The following DAB1 variants were observed in gnomAD, a reference collection of about 807,000 sequenced individuals.
The protein encoded by DAB1 is DAB adaptor protein 1.
DAB1 carries 15 observed loss-of-function variants against 64.6 expected under a neutral mutation model. The observed-to-expected ratio is 0.23, with a 90% confidence interval of 0.16 to 0.36. The LOEUF (loss-of-function observed/expected upper bound fraction) is 0.36. Among genes scored for constraint, DAB1 ranks in the 10% least tolerant of loss-of-function variants. The pLI, the probability that DAB1 is intolerant of heterozygous loss-of-function variation, is 1.00. For missense variants in DAB1, 596 were observed against 706.7 expected (o/e 0.84, Z 1.78); for synonymous variants, 235 against 251.9 (o/e 0.93, Z 0.64).
chr1:57,642,354 C>T (rs1340352725), intron 7 of DAB1, among the ~76,000 whole-genome samples: 2 of 152,192 alleles, frequency 1.3e-5, no homozygotes, highest in Non-Finnish European at 2.9e-5. Context: ...CCCTTAGGTG[C>T]CTACTCTGAT....
At chr1:58,043,959 C>T (rs1034323092) in intron 5 of DAB1, among the ~76,000 whole-genome samples, 5 of 152,174 alleles carry the variant, frequency 3.3e-5, no homozygotes, top group African/African-American at 1.2e-4. Flanking sequence ...AACTCTTGAC[C>T]TCGTGATCCG....
chr1:58,509,403 T>A (rs1646037706), intron 2 of DAB1, among the ~76,000 whole-genome samples: 1 of 150,088 alleles, frequency 6.7e-6, no homozygotes, highest in African/African-American at 2.4e-5. Flanking sequence ...GAACAGCCTA[T>A]GGGTCAAGGA....
chr1:57,274,352 T>A (rs2100603337), intron 2 of DAB1, among the ~76,000 whole-genome samples: 1 of 152,324 alleles, frequency 6.6e-6, no homozygotes, highest in East Asian at 1.9e-4. Context: ...GCTTCACCAC[T>A]TGTTCAGCTG....
At chr1:57,877,416 G>C (rs925300082) in intron 1 of DAB1, among the ~76,000 whole-genome samples, 1 of 152,090 alleles carries the variant, frequency 6.6e-6, no homozygotes, top group African/African-American at 2.4e-5. Context: ...ACAATTCTAG[G>C]ACATTCCCAC....
At chr1:57,941,560 G>C (rs1272739250) in intron 5 of DAB1, among the ~76,000 whole-genome samples, 4 of 152,244 alleles carry the variant, frequency 2.6e-5, no homozygotes, top group Non-Finnish European at 5.9e-5. Flanking sequence ...GAATGGGCCG[G>C]GCATGGTGGC....
intron 6 of DAB1, among the ~76,000 whole-genome samples, chr1:57,722,163 C>T (rs866897851): frequency 3.3e-5 from 5 of 151,516 alleles, no homozygotes; most frequent in Admixed American, 2.0e-4. Flanking sequence ...GGGAGCAATT[C>T]ACACTTTATG....
At chr1:57,392,700 T>G (rs1352796126) in intron 1 of DAB1, among the ~76,000 whole-genome samples, 3 of 152,226 alleles carry the variant, frequency 2.0e-5, no homozygotes, top group Non-Finnish European at 4.4e-5. Context: ...AGAGAAAATG[T>G]AATTCCATTA....
At chr1:57,842,005 C>T (rs1033292066) in intron 1 of DAB1, among the ~76,000 whole-genome samples, 29 of 152,286 alleles carry the variant, frequency 1.9e-4, no homozygotes, top group South Asian at 2.1e-4. Context: ...CCTTTTTAAA[C>T]GTAAGTTCCA....
intron 4 of DAB1, among the ~76,000 whole-genome samples, chr1:57,102,792 T>C (rs749097980): frequency 2.8e-4 from 43 of 152,346 alleles, no homozygotes; most frequent in Non-Finnish European, 5.1e-4. Context: ...AGTTCATTTA[T>C]TCATGTAAAT....
intron 2 of DAB1, among the ~76,000 whole-genome samples, chr1:57,206,104 G>C (rs1665515597): frequency 2.0e-5 from 3 of 152,336 alleles, no homozygotes; most frequent in African/African-American, 4.8e-5. Flanking sequence ...CTGGAGCAGG[G>C]AACACATTTG....
intron 10 of DAB1, among the ~76,000 whole-genome samples, chr1:57,024,831 C>A (rs1280180211): frequency 6.6e-6 from 1 of 152,184 alleles, no homozygotes; most frequent in Non-Finnish European, 1.5e-5. Flanking sequence ...AAGCTTTTAG[C>A]CCAGGATAAA....
At chr1:57,037,823 G>A (rs1054189521) in intron 9 of DAB1, among the ~76,000 whole-genome samples, 2 of 152,192 alleles carry the variant, frequency 1.3e-5, no homozygotes, top group African/African-American at 4.8e-5. Flanking sequence ...AGTGGCTTGA[G>A]GTGGGGAATA....
At chr1:58,534,407 G>A (rs913978694) in intron 1 of DAB1, 8 of 662,290 alleles carry the variant, frequency 1.2e-5, no homozygotes, top group African/African-American at 3.7e-5. Flanking sequence ...AAAGTTATAT[G>A]GCTACTTATT....
At chr1:57,084,300 A>G (rs1357962726) in intron 4 of DAB1, among the ~76,000 whole-genome samples, 1 of 152,204 alleles carries the variant, frequency 6.6e-6, no homozygotes. Context: ...TATGCCCAGA[A>G]GAAATGCCAA....
At chr1:57,758,960 A>C (rs1007870444) in intron 6 of DAB1, among the ~76,000 whole-genome samples, 24 of 152,142 alleles carry the variant, frequency 1.6e-4, no homozygotes, top group African/African-American at 5.8e-4. Context: ...GGTTCTTGTA[A>C]TTACCTCTTT....
intron 5 of DAB1, among the ~76,000 whole-genome samples, chr1:58,001,829 A>C (rs1285100133): frequency 6.6e-6 from 1 of 152,188 alleles, no homozygotes; most frequent in Non-Finnish European, 1.5e-5. Flanking sequence ...CAGTACATTA[A>C]GGATGTTGAG....
At chr1:58,312,208 C>G (rs1037022216) in intron 4 of DAB1, among the ~76,000 whole-genome samples, 4 of 152,090 alleles carry the variant, frequency 2.6e-5, no homozygotes, top group African/African-American at 9.7e-5. Flanking sequence ...GAGAGCAGGG[C>G]GATGCAAAAG....
chr1:57,576,576 T>C (rs560012875), intron 7 of DAB1, among the ~76,000 whole-genome samples: 1 of 152,338 alleles, frequency 6.6e-6, no homozygotes, highest in African/African-American at 2.4e-5. Flanking sequence ...GATTATCTCC[T>C]ACAAGTTTCA....
chr1:57,102,587 T>C (rs1251662610), intron 4 of DAB1, among the ~76,000 whole-genome samples: 1 of 152,218 alleles, frequency 6.6e-6, no homozygotes, highest in Non-Finnish European at 1.5e-5. Context: ...TTACAGCATA[T>C]GAATTTTTTC....
Sources: gnomAD v4.1 joint callset for allele counts (sites outside exome capture counted in the v4.1 genomes callset) on GRCh38, gnomAD v4.1.1 for gene constraint, MANE v1.5 for transcripts, NCBI Gene and HGNC (gene_info 2026-07-23, HGNC 2026-07-21) for gene names.